SAMMSON: variants seen among roughly 807,000 people sequenced by gnomAD.
SAMMSON encodes the protein long intergenic non-protein coding RNA 1212.
chr3:70,279,359 G>A (rs576512463), intron 6 of SAMMSON, among the ~76,000 whole-genome samples: 2 of 152,124 alleles, frequency 1.3e-5, no homozygotes, highest in South Asian at 2.1e-4. Flanking sequence ...AAATCCATTC[G>A]ATTCCAATGG....
At chr3:70,344,265 G>C (rs886769155) in intron 7 of SAMMSON, among the ~76,000 whole-genome samples, 2 of 152,092 alleles carry the variant, frequency 1.3e-5, no homozygotes, top group Non-Finnish European at 2.9e-5. Flanking sequence ...ATAAGGAGAC[G>C]AACAGAATAG....
At chr3:70,126,854 T>C (rs1340323379) in intron 4 of SAMMSON, 1 of 160,534 alleles carries the variant, frequency 6.2e-6, no homozygotes, top group Non-Finnish European at 1.3e-5. Context: ...TAGCTGGGAT[T>C]ACAAGCATGT....
chr3:70,383,720 A>G (rs1187245377), intron 9 of SAMMSON, among the ~76,000 whole-genome samples: 3 of 152,096 alleles, frequency 2.0e-5, no homozygotes, highest in Admixed American at 6.6e-5. Flanking sequence ...AGGTTGAAGC[A>G]GTATCTAAAT....
intron 4 of SAMMSON, among the ~76,000 whole-genome samples, chr3:70,158,937 C>A (rs1282390665): frequency 6.6e-6 from 1 of 151,840 alleles, no homozygotes; most frequent in Non-Finnish European, 1.5e-5. Flanking sequence ...GTAAAAATTT[C>A]CTCTATATAT....
chr3:70,040,940 C>T (rs908574186), intron 3 of SAMMSON, among the ~76,000 whole-genome samples: 8 of 152,060 alleles, frequency 5.3e-5, no homozygotes, highest in African/African-American at 1.9e-4. Context: ...GATATCGTCT[C>T]AAAACAATAA....
chr3:70,405,062 A>C (rs1400282977), intron 2 of SAMMSON, among the ~76,000 whole-genome samples: 1 of 152,204 alleles, frequency 6.6e-6, no homozygotes, highest in Non-Finnish European at 1.5e-5. Context: ...TGATGGCTAA[A>C]AGTGGAACAA....
chr3:70,263,654 C>G (rs1701888530), intron 6 of SAMMSON, among the ~76,000 whole-genome samples: 1 of 152,164 alleles, frequency 6.6e-6, no homozygotes, highest in South Asian at 2.1e-4. Context: ...CTCAAGGGAG[C>G]CCTACGCAAA....
At chr3:70,434,396 T>C (rs1387507131) in intron 2 of SAMMSON, among the ~76,000 whole-genome samples, 1 of 152,216 alleles carries the variant, frequency 6.6e-6, no homozygotes, top group African/African-American at 2.4e-5. Flanking sequence ...ATAAATGTTA[T>C]GCTTTAAACT....
Position 70,354,892 on chromosome 3 carries a change from T to C in SAMMSON, n.842+615T>C, listed in dbSNP as rs142722794. ...GCTTTATCTAGGTCCTTCTCTGTTT[T>C]CTCTCACCTGGGTATTTTTCTTAAT... On this transcript the variant is annotated intron_variant and non_coding_transcript_variant, in intron 8 of 9. Coordinates refer to ENST00000642114, the Ensembl canonical transcript of SAMMSON. Among the ~76,000 whole-genome samples, 1,389 of 152,294 alleles carry C rather than the reference T, an allele frequency of 9.1e-3. 44 individuals are homozygous for C. Among genetic ancestry groups the C allele is most frequent in the South Asian group, 0.016 (79 of 4,824 alleles).
intron 7 of SAMMSON, among the ~76,000 whole-genome samples, chr3:70,323,209 C>G (rs1702550530): frequency 6.6e-6 from 1 of 152,066 alleles, no homozygotes; most frequent in African/African-American, 2.4e-5. Context: ...TCTCATTAAT[C>G]TTGTTTGAAG....
chr3:70,220,985 C>T (rs976380259), intron 4 of SAMMSON, among the ~76,000 whole-genome samples: 8 of 152,108 alleles, frequency 5.3e-5, no homozygotes. Context: ...TAGGTAATGA[C>T]ATGTTTTAAA....
chr3:70,108,697 T>C (rs1031600689), intron 4 of SAMMSON, among the ~76,000 whole-genome samples: 2 of 151,570 alleles, frequency 1.3e-5, no homozygotes, highest in Admixed American at 1.3e-4. Context: ...ACCGGAGAGC[T>C]TGCTCACTCC....
intron 9 of SAMMSON, among the ~76,000 whole-genome samples, chr3:70,373,934 G>C (rs938021728): frequency 2.6e-5 from 4 of 151,610 alleles, no homozygotes; most frequent in Admixed American, 2.6e-4. Flanking sequence ...TTATTATTGA[G>C]ATGGAGCTTT....
Position 70,374,401 on chromosome 3 carries a change from T to C in SAMMSON, n.914-15173T>C, listed in dbSNP as rs536058586. Among the ~76,000 whole-genome samples the C allele has an allele frequency of 2.4e-4, 37 of 152,304 alleles. No individual in the cohort carries two copies. The South Asian group carries it at 7.5e-3, about 31-fold the overall frequency. The stretch of plus-strand genomic sequence containing the variant: ...ATGAGTCGTCTTTAAACCTTCTTTT[T>C]AAGCTATTTTCTCATGACAGCCTTC... On this transcript the variant is annotated intron_variant and non_coding_transcript_variant, in intron 9 of 9. Transcript: ENST00000642114.
chr3:70,055,511 A>G (rs2067163823), intron 3 of SAMMSON, among the ~76,000 whole-genome samples: 1 of 152,044 alleles, frequency 6.6e-6, no homozygotes, highest in Admixed American at 6.6e-5. Flanking sequence ...TGTTCATCCC[A>G]TTTACTTTGT....
intron 3 of SAMMSON, among the ~76,000 whole-genome samples, chr3:70,059,627 T>C (rs2107591437): frequency 6.6e-6 from 1 of 152,206 alleles, no homozygotes; most frequent in African/African-American, 2.4e-5. Context: ...CCTCAGTGGA[T>C]TGGATGAGTC....
intron 9 of SAMMSON, among the ~76,000 whole-genome samples, chr3:70,389,153 C>T (rs1701020433): frequency 2.0e-5 from 3 of 152,080 alleles, no homozygotes; most frequent in African/African-American, 7.2e-5. Context: ...GATGCAGCTG[C>T]CCAACCTTGA....
At chr3:70,070,469 G>A (rs2067225575) in intron 3 of SAMMSON, 1 of 151,512 alleles carries the variant, frequency 6.6e-6, no homozygotes, top group Non-Finnish European at 1.5e-5. Context: ...TCATTTTGTT[G>A]TATGGTATTG....
At chr3:70,064,011 C>G (rs1490784278) in intron 3 of SAMMSON, among the ~76,000 whole-genome samples, 1 of 152,094 alleles carries the variant, frequency 6.6e-6, no homozygotes, top group African/African-American at 2.4e-5. Context: ...CTGGGCTATT[C>G]AGAATACATC....
Sources: allele counts gnomAD v4.1 joint callset (sites outside exome capture counted in the v4.1 genomes callset), GRCh38; gene constraint gnomAD v4.1.1; transcripts MANE v1.5; gene names NCBI Gene and HGNC (gene_info 2026-07-23, HGNC 2026-07-21).